TNFAIP8L3: variants seen among roughly 807,000 people sequenced by gnomAD.
The protein encoded by TNFAIP8L3 is TNF alpha induced protein 8 like 3.
TNFAIP8L3 carries 7 observed loss-of-function variants against 11.8 expected under a neutral mutation model. That is an observed-to-expected ratio of 0.59 (90% CI 0.34 to 1.11). The LOEUF is 1.11. Ranked by LOEUF, TNFAIP8L3 falls within the 50% of genes most tolerant of loss-of-function variation. TNFAIP8L3 has a pLI of 0.03. For missense variants in TNFAIP8L3, 219 were observed against 258.6 expected (o/e 0.85, Z 1.05); for synonymous variants, 98 against 103.8 (o/e 0.94, Z 0.34).
intron 1 of TNFAIP8L3, among the ~76,000 whole-genome samples, chr15:51,066,264 G>T (rs761186373): frequency 3.3e-5 from 5 of 151,424 alleles, no homozygotes; most frequent in African/African-American, 7.3e-5. Context: ...CTGGATTCAA[G>T]CGATTCTCCT....
chr15:51,056,820 C>T lies in TNFAIP8L3; in HGVS notation c.*1061G>A, dbSNP rs1388731934. ...TATTGTGGATGGAAAACTCTCTCTC[C>T]CCACCCCCCCATGGAAAGTTTCCCT... On this transcript the variant is annotated 3_prime_UTR_variant, in exon 2 of 2. Coordinates refer to ENST00000637513, the MANE Select transcript of TNFAIP8L3 (RefSeq NM_001311175.2). 6.6e-6 allele frequency: 1 copy of T among 151,926 alleles called. No homozygotes were observed. Among genetic ancestry groups the T allele is most frequent in the Admixed American group, 6.6e-5 (1 of 15,234 alleles). The allele number at this position is 151,926 out of a possible 1,614,324, so 9.4% of individuals were successfully genotyped here.
At chr15:51,058,574 C>G in intron 1 of TNFAIP8L3, 131 bp from the exon 2 acceptor site, 1 of 838,674 alleles carries the variant, frequency 1.2e-6, no homozygotes, top group Non-Finnish European at 1.8e-6. Context: ...TTCCCTCGCT[C>G]CCTAACTAAA....
chr15:51,065,291 A>C (rs1341783402), intron 1 of TNFAIP8L3, among the ~76,000 whole-genome samples: 2 of 152,226 alleles, frequency 1.3e-5, no homozygotes, highest in African/African-American at 4.8e-5. Flanking sequence ...AATGGCAGTG[A>C]GCTAGTTTGG....
At chr15:51,072,989 CCTTTT>C (rs2065321778) in intron 1 of TNFAIP8L3, among the ~76,000 whole-genome samples, 2 of 45,748 alleles carry the variant, frequency 4.4e-5, no homozygotes, top group Admixed American at 3.0e-4. Flanking sequence ...AAACTGGGAT[CCTTTT>C]TTTTTTTTTT....
intron 1 of TNFAIP8L3, among the ~76,000 whole-genome samples, chr15:51,073,163 A>G (rs1450988308): frequency 5.9e-5 from 9 of 151,714 alleles, no homozygotes; most frequent in African/African-American, 2.2e-4. Context: ...TGCCTGGCTA[A>G]TTTTGTATTT....
At chr15:51,102,603 G>T (rs951223881) in intron 1 of TNFAIP8L3, among the ~76,000 whole-genome samples, 10 of 152,152 alleles carry the variant, frequency 6.6e-5, no homozygotes, top group Admixed American at 5.2e-4. Context: ...AGGTCACCTG[G>T]TCTAACCCCA....
At chr15:51,074,793 G>A (rs2065338346) in intron 1 of TNFAIP8L3, among the ~76,000 whole-genome samples, 1 of 152,214 alleles carries the variant, frequency 6.6e-6, no homozygotes, top group Non-Finnish European at 1.5e-5. Context: ...CCTCGCCCAG[G>A]TGGAAGAGGC....
At chr15:51,095,551 C>T (rs2140983947), upstream of TNFAIP8L3, among the ~76,000 whole-genome samples, 1 of 152,130 alleles carries the variant, frequency 6.6e-6, no homozygotes, top group South Asian at 2.1e-4. Context: ...TGCTATTTCG[C>T]GCCCTCGACT....
intron 1 of TNFAIP8L3, among the ~76,000 whole-genome samples, chr15:51,075,285 T>C (rs2065341930): frequency 6.6e-6 from 1 of 152,108 alleles, no homozygotes. Flanking sequence ...GTTCTGCCTG[T>C]CTTTGACCCA....
intron 1 of TNFAIP8L3, among the ~76,000 whole-genome samples, chr15:51,102,518 T>C (rs1350028403): frequency 1.3e-5 from 2 of 152,204 alleles, no homozygotes; most frequent in Non-Finnish European, 2.9e-5. Context: ...ATCTGGAAGG[T>C]TCCATTTATG....
intron 1 of TNFAIP8L3, among the ~76,000 whole-genome samples, chr15:51,079,664 A>C (rs962230383): frequency 2.6e-5 from 4 of 152,136 alleles, no homozygotes; most frequent in African/African-American, 9.7e-5. Flanking sequence ...AATTATTTTC[A>C]AAGTAATACA....
At position 51,094,775 on chromosome 15, in the gene TNFAIP8L3, G is replaced by C. The variant is rs1595620875; in HGVS notation, c.-180C>G. The C allele has an allele frequency of 2.4e-5, 10 of 416,872 alleles. No homozygotes were observed. Among genetic ancestry groups the C allele is most frequent in the Non-Finnish European group, 3.1e-5 (10 of 318,632 alleles). 25.8% of individuals were successfully genotyped at this position (416,872 alleles called of 1,614,324 possible). On this transcript the variant is annotated 5_prime_UTR_variant, in exon 1 of 2. Transcript: ENST00000637513. The surrounding 1 kb of genome is among the most constrained non-coding windows in gnomAD (Gnocchi z 4.4). Reference sequence around the variant, plus strand: ...CGGCTCCGCAGAGGCGAGCGCCGCCGCGCCCCGCTCCCCGCGCCCGCCGGC... The same window carrying C: ...CGGCTCCGCAGAGGCGAGCGCCGCCCCGCCCCGCTCCCCGCGCCCGCCGGC...
chr15:51,060,561 C>T (rs776494866), intron 1 of TNFAIP8L3, among the ~76,000 whole-genome samples: 6 of 152,208 alleles, frequency 3.9e-5, no homozygotes, highest in South Asian at 2.1e-4. Flanking sequence ...ACATATGCAT[C>T]CAGTGGCAGG....
upstream of TNFAIP8L3, among the ~76,000 whole-genome samples, chr15:51,096,719 C>T (rs1168851900): frequency 6.6e-6 from 1 of 151,908 alleles, no homozygotes; most frequent in African/African-American, 2.4e-5. Context: ...TGGAGAAACT[C>T]TGTCTCGACT....
intron 1 of TNFAIP8L3, among the ~76,000 whole-genome samples, chr15:51,062,712 T>A (rs1003208584): frequency 2.6e-5 from 4 of 152,174 alleles, no homozygotes; most frequent in African/African-American, 9.6e-5. Context: ...TTAAGCAAAA[T>A]GAAATAGCTT....
rs201887319 is a variant in TNFAIP8L3 at position 51,094,695 on chromosome 15, CCGGGCGGCG to C, written c.-109_-101del. The stretch of plus-strand genomic sequence containing the variant: ...GGGCGGACAGCGGGGCGGCTGGAGC[CCGGGCGGCG>C]CGGGCGGCGCGGGCTGGGCGGTGCG... On this transcript the variant is annotated 5_prime_UTR_variant, in exon 1 of 2. Transcript: ENST00000637513. The surrounding 1 kb of genome is among the most constrained non-coding windows in gnomAD (Gnocchi z 4.4). The C allele has an allele frequency of 0.23, 241,279 of 1,061,794 alleles. 29,898 individuals are homozygous for C. Among genetic ancestry groups the C allele is most frequent in the East Asian group, 0.36 (5,282 of 14,596 alleles). 65.8% of individuals were successfully genotyped at this position (1,061,794 alleles called of 1,614,324 possible).
intron 1 of TNFAIP8L3, among the ~76,000 whole-genome samples, chr15:51,075,827 C>T (rs1262132901): frequency 1.3e-5 from 2 of 152,160 alleles, no homozygotes; most frequent in Non-Finnish European, 1.5e-5. Flanking sequence ...ACTGAGGCTA[C>T]TGGAAGGTGC....
In TNFAIP8L3 at chr15:51,090,642, A is replaced by G. The variant is rs188412422; in HGVS notation, c.52+3902T>C. 9.9e-5 allele frequency among the ~76,000 whole-genome samples: 15 copies of G among 152,188 alleles called. No homozygotes were observed. In the East Asian group the frequency reaches 2.7e-3, roughly 27 times the overall value. ...CCTGCCACCTCCTCAACAGGATCCT[A>G]TTGAATCCTATCCATTCCTTCAGTT... is the stretch of plus-strand genomic sequence containing the variant. On this transcript the variant is annotated intron_variant, in intron 1 of 1. Coordinates refer to ENST00000637513, the MANE Select transcript of TNFAIP8L3 (RefSeq NM_001311175.2).
intron 1 of TNFAIP8L3, among the ~76,000 whole-genome samples, chr15:51,082,044 A>T (rs942993540): frequency 2.1e-5 from 3 of 143,892 alleles, no homozygotes; most frequent in East Asian, 2.0e-4. Context: ...GAAAGAGTGA[A>T]TTTTTTTTTT....
Sources: allele counts gnomAD v4.1 joint callset (sites outside exome capture counted in the v4.1 genomes callset), GRCh38; gene constraint gnomAD v4.1.1; non-coding constraint Gnocchi (gnomAD v3.1); transcripts MANE v1.5; gene names NCBI Gene and HGNC (gene_info 2026-07-23, HGNC 2026-07-21).